The following CDK14 variants were observed in gnomAD, a reference collection of about 807,000 sequenced individuals.
CDK14 encodes cyclin-dependent kinase 14.
A neutral mutation model predicts 60.7 loss-of-function variants in CDK14; 34 were observed. The observed-to-expected ratio is 0.56, with a 90% confidence interval of 0.43 to 0.75. CDK14 has a LOEUF of 0.75. Ranked by LOEUF, CDK14 falls within the 30% of genes least tolerant of loss-of-function variation. CDK14 has a pLI of 0.00. For synonymous variants in CDK14, 197 were observed against 203.7 expected, an observed-to-expected ratio of 0.97 and a Z score of 0.28; for missense variants, 482 against 564.1, an observed-to-expected ratio of 0.85 and a Z score of 1.47.
chr7:90,907,834 A>T (rs1403225720), intron 7 of CDK14, among the ~76,000 whole-genome samples: 2 of 152,142 alleles, frequency 1.3e-5, no homozygotes, highest in Admixed American at 6.6e-5. Context: ...GAATTATGCT[A>T]TGCCAAATTA....
At chr7:91,043,258 A>G (rs1231165819) in intron 10 of CDK14, among the ~76,000 whole-genome samples, 2 of 152,248 alleles carry the variant, frequency 1.3e-5, no homozygotes, top group East Asian at 3.8e-4. Flanking sequence ...CAGGAAAACA[A>G]TTGTACTTTA....
At chr7:90,696,095 A>G (rs1368685884) in intron 2 of CDK14, among the ~76,000 whole-genome samples, 2 of 152,194 alleles carry the variant, frequency 1.3e-5, no homozygotes, top group Non-Finnish European at 2.9e-5. Flanking sequence ...GGATGGGAGC[A>G]GTGGAGCTGC....
chr7:91,145,299 G>A (rs79669897), intron 14 of CDK14, among the ~76,000 whole-genome samples: 5,192 of 152,208 alleles, frequency 0.034, 153 homozygotes, highest in South Asian at 0.095. Context: ...TTAGAGGGCT[G>A]AAATTTAAAT....
chr7:90,710,532 C>A, intron 2 of CDK14: 3 of 985,304 alleles, frequency 3.0e-6, no homozygotes, highest in Non-Finnish European at 2.4e-6. Flanking sequence ...CAGAAATACA[C>A]CTGCTTTAAG....
intron 2 of CDK14, among the ~76,000 whole-genome samples, chr7:90,605,879 C>G (rs151134273): frequency 3.3e-5 from 5 of 152,156 alleles, no homozygotes; most frequent in Non-Finnish European, 7.3e-5. Context: ...TGCTTAAACA[C>G]TGTTGTTAGT....
chr7:90,876,738 A>G (rs530530005), intron 6 of CDK14, among the ~76,000 whole-genome samples: 1 of 152,346 alleles, frequency 6.6e-6, no homozygotes, highest in South Asian at 2.1e-4. Flanking sequence ...TTTACTTTGG[A>G]ATATCATCCA....
chr7:91,028,572 C>T (rs1383054151), intron 10 of CDK14, among the ~76,000 whole-genome samples: 1 of 152,098 alleles, frequency 6.6e-6, no homozygotes, highest in African/African-American at 2.4e-5. Context: ...CCCTTTTCAC[C>T]CCATTCACGC....
At chr7:90,959,217 CATTGCCAGAACCAAATAGCAA>C (rs1290632070) in intron 9 of CDK14, among the ~76,000 whole-genome samples, 2 of 152,150 alleles carry the variant, frequency 1.3e-5, no homozygotes, top group Non-Finnish European at 2.9e-5. Flanking sequence ...CAAGATTATT[CATTGCCAGAACCAAATAGCAA>C]ATGTGTTATG....
chr7:91,079,906 G>C, intron 12 of CDK14, among the ~76,000 whole-genome samples: 1 of 151,982 alleles, frequency 6.6e-6, no homozygotes, highest in Non-Finnish European at 1.5e-5. Context: ...ACGCCTTATT[G>C]GGAAGCTAAA....
intron 10 of CDK14, among the ~76,000 whole-genome samples, chr7:91,045,074 G>T (rs1186092093): frequency 4.6e-5 from 7 of 152,148 alleles, no homozygotes; most frequent in African/African-American, 1.7e-4. Flanking sequence ...GCAAGGATTT[G>T]AACTCAAGGT....
At chr7:90,812,382 C>T (rs557018191) in intron 5 of CDK14, among the ~76,000 whole-genome samples, 74 of 152,110 alleles carry the variant, frequency 4.9e-4, no homozygotes, top group South Asian at 1.5e-3. Context: ...AAACCAAACA[C>T]GGCATGTTCT....
At chr7:91,165,722 A>AG (rs1801325986) in intron 14 of CDK14, among the ~76,000 whole-genome samples, 1 of 152,236 alleles carries the variant, frequency 6.6e-6, no homozygotes, top group African/African-American at 2.4e-5. Flanking sequence ...CATTTCTGAA[A>AG]GGGGAAGTAA....
chr7:91,031,686 T>C (rs1796763444), intron 10 of CDK14, among the ~76,000 whole-genome samples: 1 of 152,194 alleles, frequency 6.6e-6, no homozygotes, highest in South Asian at 2.1e-4. Flanking sequence ...TAAAATTCCC[T>C]GCATCAGGTT....
chr7:90,745,239 G>C (rs1348160491), intron 3 of CDK14, among the ~76,000 whole-genome samples: 1 of 152,046 alleles, frequency 6.6e-6, no homozygotes, highest in African/African-American at 2.4e-5. Context: ...CTTATATTGA[G>C]ATAATTTTTT....
chr7:90,989,543 T>C (rs1562858789), intron 10 of CDK14, among the ~76,000 whole-genome samples: 3 of 152,156 alleles, frequency 2.0e-5, no homozygotes, highest in Non-Finnish European at 4.4e-5. Flanking sequence ...CCTGTAGTAA[T>C]GACCATGAAA....
intron 11 of CDK14, among the ~76,000 whole-genome samples, chr7:91,075,888 A>G (rs894164960): frequency 1.3e-5 from 2 of 152,172 alleles, no homozygotes; most frequent in Non-Finnish European, 2.9e-5. Flanking sequence ...AGAGAATAAA[A>G]TACCTAGGAA....
intron 3 of CDK14, among the ~76,000 whole-genome samples, chr7:90,735,032 CCTTT>C (rs1803033174): frequency 6.6e-6 from 1 of 152,068 alleles, no homozygotes; most frequent in South Asian, 2.1e-4. Flanking sequence ...TGATGCTGTT[CCTTT>C]CTGTTTGTTA....
intron 3 of CDK14, among the ~76,000 whole-genome samples, chr7:90,746,767 A>AT (rs1198767377): frequency 6.8e-6 from 1 of 147,070 alleles, no homozygotes; most frequent in Admixed American, 6.8e-5. Context: ...CTCTCTTAGC[A>AT]TTTTTTTTGG....
At chr7:90,984,001 C>A in intron 9 of CDK14, 147 bp from the exon 10 acceptor site, 1 of 621,398 alleles carries the variant, frequency 1.6e-6, no homozygotes. Flanking sequence ...ACGTGTACCC[C>A]TGAATCTAAA....
Sources: allele counts gnomAD v4.1 joint callset (sites outside exome capture counted in the v4.1 genomes callset), GRCh38; gene constraint gnomAD v4.1.1; transcripts MANE v1.5; gene names NCBI Gene and HGNC (gene_info 2026-07-23, HGNC 2026-07-21).